Variants in OSBPL10 observed in about 807,000 individuals in gnomAD.
The protein encoded by OSBPL10 is oxysterol-binding protein-related protein 10.
In OSBPL10, 49 loss-of-function variants were observed where a neutral mutation model predicts 81.7. The observed-to-expected ratio is 0.60, with a 90% CI of 0.48 to 0.76. The LOEUF (loss-of-function observed/expected upper bound fraction) is 0.76, where lower values mean the gene tolerates loss of function less well. OSBPL10 is among the 30% of genes least tolerant of loss of function. The probability of loss-of-function intolerance (pLI) is 0.00; values close to 1 mark genes in which losing one functional copy is unlikely to be tolerated. For synonymous variants in OSBPL10, 419 were observed against 383.6 expected, an observed-to-expected ratio of 1.09 and a Z score of -1.08; for missense variants, 923 against 987.8, an observed-to-expected ratio of 0.93 and a Z score of 0.88.
chr3:31,672,258 G>A (rs955233899), intron 8 of OSBPL10, among the ~76,000 whole-genome samples: 1 of 150,842 alleles, frequency 6.6e-6, no homozygotes, highest in Non-Finnish European at 1.5e-5. Flanking sequence ...TAATAAGAAT[G>A]AGGAAACAAA....
At chr3:31,766,341 T>G (rs1387824678) in intron 4 of OSBPL10, among the ~76,000 whole-genome samples, 8 of 108,076 alleles carry the variant, frequency 7.4e-5, no homozygotes, top group African/African-American at 4.4e-4. Context: ...TTTTTTGTTT[T>G]TTTTTGTTTT....
At chr3:31,863,501 C>T (rs1288746123) in intron 3 of OSBPL10, among the ~76,000 whole-genome samples, 1 of 152,198 alleles carries the variant, frequency 6.6e-6, no homozygotes, top group Non-Finnish European at 1.5e-5. Context: ...TTGGGCTTAT[C>T]ACAAATCTAC....
At chr3:31,870,687 C>A (rs1317569327) in intron 3 of OSBPL10, among the ~76,000 whole-genome samples, 1 of 152,046 alleles carries the variant, frequency 6.6e-6, no homozygotes, top group Non-Finnish European at 1.5e-5. Context: ...CAATCAGCAC[C>A]CTGTGTCTAC....
chr3:31,711,463 G>T (rs1259758705), intron 6 of OSBPL10, among the ~76,000 whole-genome samples: 1 of 152,084 alleles, frequency 6.6e-6, no homozygotes, highest in East Asian at 1.9e-4. Flanking sequence ...GCTAACTGAG[G>T]GTTTCATTTC....
At chr3:31,982,613 C>A (rs1698872843), upstream of OSBPL10, among the ~76,000 whole-genome samples, 1 of 151,248 alleles carries the variant, frequency 6.6e-6, no homozygotes, top group South Asian at 2.1e-4. Flanking sequence ...TGGTTGTGCC[C>A]CTGAGTAAAT....
chr3:31,683,302 T>C (rs1700701462), intron 8 of OSBPL10, among the ~76,000 whole-genome samples: 1 of 152,244 alleles, frequency 6.6e-6, no homozygotes, highest in African/African-American at 2.4e-5. Context: ...TTCACAGATT[T>C]GGAGGCCAAC....
At chr3:31,939,114 T>G (rs6800757) in intron 1 of OSBPL10, among the ~76,000 whole-genome samples, 86,911 of 149,006 alleles carry the variant, frequency 0.58, 26,482 homozygotes, top group African/African-American at 0.77. Flanking sequence ...TCCCTCTCTT[T>G]TCAGTTTAAT....
chr3:31,749,476 A>T (rs1355602370), intron 4 of OSBPL10, among the ~76,000 whole-genome samples: 2 of 152,202 alleles, frequency 1.3e-5, no homozygotes, highest in African/African-American at 4.8e-5. Context: ...AGTGCCTAGA[A>T]ATAAGGAGAG....
intron 3 of OSBPL10, among the ~76,000 whole-genome samples, chr3:31,835,539 G>A (rs890988806): frequency 1.4e-4 from 22 of 151,982 alleles, no homozygotes; most frequent in African/African-American, 4.1e-4. Context: ...ATTTCTGAGC[G>A]TCCACTAATT....
At chr3:31,891,682 G>T (rs757993959) in intron 1 of OSBPL10, among the ~76,000 whole-genome samples, 5 of 152,112 alleles carry the variant, frequency 3.3e-5, no homozygotes, top group African/African-American at 7.2e-5. Flanking sequence ...TGCCATTTTT[G>T]GGGGGTGCCA....
chr3:31,950,816 CCT>C (rs1368694854), intron 1 of OSBPL10, among the ~76,000 whole-genome samples: 3 of 152,128 alleles, frequency 2.0e-5, no homozygotes, highest in Admixed American at 1.3e-4. Context: ...AGCATCTCCT[CCT>C]CTCTCTCTTG....
chr3:31,670,089 A>G (rs1029354166), intron 9 of OSBPL10, among the ~76,000 whole-genome samples: 3 of 152,214 alleles, frequency 2.0e-5, no homozygotes, highest in African/African-American at 7.2e-5. Flanking sequence ...GTACACACAA[A>G]TCAGTTCTTA....
chr3:31,879,580 A>C, intron 2 of OSBPL10, 75 bp downstream of exon 2: 1 of 1,477,588 alleles, frequency 6.8e-7, no homozygotes, highest in Non-Finnish European at 9.1e-7. Flanking sequence ...AAAAAAACAA[A>C]AAATCAAAAA....
intron 1 of OSBPL10, among the ~76,000 whole-genome samples, chr3:31,915,602 G>A (rs749517919): frequency 2.0e-5 from 3 of 152,078 alleles, no homozygotes; most frequent in Non-Finnish European, 2.9e-5. Context: ...AACTTGGGGC[G>A]ACTAAAGTAG....
chr3:31,900,025 CTTTTT>C (rs11423783), intron 1 of OSBPL10, among the ~76,000 whole-genome samples: 1 of 135,474 alleles, frequency 7.4e-6, no homozygotes, highest in African/African-American at 2.8e-5. Flanking sequence ...GAAAATAAAA[CTTTTT>C]TTTTTTTTTT....
chr3:32,008,659 A>G (rs1699225967), intron 2 of OSBPL10, among the ~76,000 whole-genome samples: 1 of 151,318 alleles, frequency 6.6e-6, no homozygotes, highest in Middle Eastern at 3.2e-3. Context: ...CTGAAGTGAG[A>G]GGATCGCTTA....
At chr3:31,997,039 G>A (rs1397314682) in intron 2 of OSBPL10, among the ~76,000 whole-genome samples, 1 of 152,090 alleles carries the variant, frequency 6.6e-6, no homozygotes, top group Admixed American at 6.5e-5. Context: ...GTTACCACAC[G>A]TTTCTTGCAG....
chr3:32,041,371 C>T lies in OSBPL10; in HGVS notation n.298+5120G>A, dbSNP rs147733537. Among the ~76,000 whole-genome samples the T allele has an allele frequency of 5.7e-3, 870 of 152,298 alleles. 6 individuals carry two copies. Among genetic ancestry groups the T allele is most frequent in the Middle Eastern group, 0.02 (6 of 294 alleles). On this transcript the variant is annotated intron_variant and non_coding_transcript_variant, in intron 2 of 3. Coordinates refer to the OSBPL10 transcript ENST00000479173. ...GTAAAGACTTTTTCACATGGTGGTT[C>T]CAGTCTACATTTCCAACCCCACTTT...
intron 2 of OSBPL10, among the ~76,000 whole-genome samples, chr3:32,028,988 A>ACACACC (rs1699442703): frequency 6.9e-6 from 1 of 144,982 alleles, no homozygotes; most frequent in South Asian, 2.2e-4. Context: ...ACACACACAC[A>ACACACC]CCAGGAATGT....
Sources: allele counts gnomAD v4.1 joint callset (sites outside exome capture counted in the v4.1 genomes callset), GRCh38; gene constraint gnomAD v4.1.1; transcripts MANE v1.5; gene names NCBI Gene and HGNC (gene_info 2026-07-23, HGNC 2026-07-21).